CCSER1: variants seen among roughly 807,000 people sequenced by gnomAD.
CCSER1 encodes the protein coiled-coil serine rich protein 1.
A neutral mutation model predicts 82.0 loss-of-function variants in CCSER1; 41 were observed. That is an observed-to-expected ratio of 0.50 (90% CI 0.39 to 0.65). CCSER1 has a LOEUF of 0.65. CCSER1 is among the 30% of genes least tolerant of loss of function. The pLI is 0.00. For synonymous variants in CCSER1, 414 were observed against 383.9 expected, an observed-to-expected ratio of 1.08 and a Z score of -0.92; for missense variants, 1,119 against 1,064.2, an observed-to-expected ratio of 1.05 and a Z score of -0.72.
intron 10 of CCSER1, among the ~76,000 whole-genome samples, chr4:91,186,008 G>T (rs988747456): frequency 2.0e-5 from 3 of 152,118 alleles, no homozygotes; most frequent in African/African-American, 4.8e-5. Context: ...GATCTGGGGG[G>T]TGTATTCTAA....
At chr4:90,909,139 C>T (rs966815974) in intron 8 of CCSER1, among the ~76,000 whole-genome samples, 2 of 152,136 alleles carry the variant, frequency 1.3e-5, no homozygotes, top group African/African-American at 4.8e-5. Flanking sequence ...TAGTTTCTAC[C>T]TCTGTCTTCA....
At chr4:90,633,981 A>C (rs903918353) in intron 6 of CCSER1, among the ~76,000 whole-genome samples, 4 of 151,726 alleles carry the variant, frequency 2.6e-5, no homozygotes, top group Non-Finnish European at 4.4e-5. Context: ...TTTATTCTCT[A>C]GTATTAGTGG....
intron 3 of CCSER1, among the ~76,000 whole-genome samples, chr4:90,391,289 A>G (rs1027358463): frequency 1.6e-4 from 23 of 146,650 alleles, no homozygotes; most frequent in African/African-American, 5.0e-4. Flanking sequence ...AAAAAAAAGA[A>G]AAAAAAAGAA....
At chr4:90,555,406 A>G (rs1035426025) in intron 5 of CCSER1, among the ~76,000 whole-genome samples, 4 of 152,096 alleles carry the variant, frequency 2.6e-5, no homozygotes, top group Non-Finnish European at 5.9e-5. Flanking sequence ...TATTTTGAGA[A>G]TATCTAAATA....
intron 9 of CCSER1, among the ~76,000 whole-genome samples, chr4:91,005,407 A>G (rs1421573052): frequency 6.6e-6 from 1 of 152,118 alleles, no homozygotes; most frequent in East Asian, 1.9e-4. Context: ...ACACACACAC[A>G]CACACACACA....
intron 3 of CCSER1, among the ~76,000 whole-genome samples, chr4:90,328,051 A>C (rs184361382): frequency 4.1e-4 from 63 of 152,154 alleles, no homozygotes; most frequent in African/African-American, 1.4e-3. Context: ...CTGCCATTTG[A>C]TCCTTTATTG....
intron 7 of CCSER1, among the ~76,000 whole-genome samples, chr4:90,764,502 C>G (rs1750905327): frequency 6.6e-6 from 1 of 152,120 alleles, no homozygotes; most frequent in African/African-American, 2.4e-5. Flanking sequence ...CATCAATTGT[C>G]ACCCAATAAT....
At chr4:91,166,553 A>G (rs1011143149) in intron 10 of CCSER1, among the ~76,000 whole-genome samples, 9 of 152,240 alleles carry the variant, frequency 5.9e-5, no homozygotes, top group Admixed American at 5.9e-4. Flanking sequence ...GATGAGGCTT[A>G]TAAAACAATA....
intron 9 of CCSER1, among the ~76,000 whole-genome samples, chr4:90,976,977 G>C (rs1735669724): frequency 1.3e-5 from 2 of 151,524 alleles, no homozygotes; most frequent in Non-Finnish European, 3.0e-5. Flanking sequence ...AAGTGAAGGT[G>C]ACATGAGACA....
chr4:90,380,323 A>G (rs1479617997), intron 3 of CCSER1, among the ~76,000 whole-genome samples: 1 of 152,232 alleles, frequency 6.6e-6, no homozygotes, highest in Non-Finnish European at 1.5e-5. Context: ...AAAAATACAT[A>G]TAAATTAAAT....
intron 10 of CCSER1, among the ~76,000 whole-genome samples, chr4:91,472,030 T>A (rs529780546): frequency 1.4e-3 from 216 of 152,152 alleles, no homozygotes; most frequent in Non-Finnish European, 2.3e-3. Context: ...ACTAAGTTAT[T>A]AGTAAAAAAA....
intron 10 of CCSER1, among the ~76,000 whole-genome samples, chr4:91,308,164 AT>A (rs548499490): frequency 4.7e-4 from 71 of 151,878 alleles, no homozygotes; most frequent in African/African-American, 1.5e-3. Flanking sequence ...ACGCAAAGAG[AT>A]TTTATACCAC....
At chr4:91,291,073 A>ATATT (rs1216563547) in intron 10 of CCSER1, among the ~76,000 whole-genome samples, 7 of 151,292 alleles carry the variant, frequency 4.6e-5, no homozygotes, top group Admixed American at 4.6e-4. Context: ...TCTTTTATAT[A>ATATT]TATTATTTTA....
intron 9 of CCSER1, among the ~76,000 whole-genome samples, chr4:90,982,633 C>CA (rs70965464): frequency 0.093 from 14,044 of 150,602 alleles, 946 homozygotes; most frequent in East Asian, 0.24. Flanking sequence ...AGCATCTAAA[C>CA]AAAAAAAAAT....
chr4:91,386,616 C>T (rs563941164), intron 10 of CCSER1, among the ~76,000 whole-genome samples: 1 of 152,100 alleles, frequency 6.6e-6, no homozygotes, highest in East Asian at 1.9e-4. Flanking sequence ...TTAAAGTGTC[C>T]TCCTACAGAC....
chr4:90,158,570 G>T (rs1325722440), intron 1 of CCSER1, among the ~76,000 whole-genome samples: 1 of 152,218 alleles, frequency 6.6e-6, no homozygotes, highest in Non-Finnish European at 1.5e-5. Flanking sequence ...ACCTAAGCAA[G>T]CCTGGGCAAT....
At chr4:90,923,606 G>A in intron 9 of CCSER1, 159 bp downstream of exon 9, 1 of 528,796 alleles carries the variant, frequency 1.9e-6, no homozygotes, top group Middle Eastern at 2.8e-4. Context: ...ATACCTCCTG[G>A]AACTAAAAAA....
chr4:90,547,895 C>G (rs1776970269), intron 5 of CCSER1, among the ~76,000 whole-genome samples: 1 of 152,020 alleles, frequency 6.6e-6, no homozygotes, highest in Non-Finnish European at 1.5e-5. Flanking sequence ...CAAAATATGC[C>G]TAACTGGTAT....
chr4:90,851,045 G>C (rs981233238), intron 8 of CCSER1, among the ~76,000 whole-genome samples: 3 of 152,126 alleles, frequency 2.0e-5, no homozygotes, highest in African/African-American at 7.2e-5. Flanking sequence ...TTTAAAAGGG[G>C]CTTCCCCCTT....
Sources: allele counts gnomAD v4.1 joint callset (sites outside exome capture counted in the v4.1 genomes callset), GRCh38; gene constraint gnomAD v4.1.1; transcripts MANE v1.5; gene names NCBI Gene and HGNC (gene_info 2026-07-23, HGNC 2026-07-21).